The following FBXO11 variants were observed in gnomAD, a reference collection of about 807,000 sequenced individuals.
The protein encoded by FBXO11 is F-box only protein 11.
A neutral mutation model predicts 117.0 loss-of-function variants in FBXO11; 13 were observed. That is an observed-to-expected ratio of 0.11 (90% CI 0.07 to 0.18). The LOEUF is 0.18. FBXO11 is among the 10% of genes least tolerant of loss of function. The pLI, the probability that FBXO11 is intolerant of heterozygous loss-of-function variation, is 1.00. For missense variants in FBXO11, 767 were observed against 1,164.4 expected, an observed-to-expected ratio of 0.66 and a Z score of 4.97; for synonymous variants, 490 against 380.5, an observed-to-expected ratio of 1.29 and a Z score of -3.35.
chr2:47,862,561 A>C (rs985062668), intron 1 of FBXO11, among the ~76,000 whole-genome samples: 3 of 152,186 alleles, frequency 2.0e-5, no homozygotes, highest in Non-Finnish European at 4.4e-5. Context: ...AGCAGCTAGG[A>C]CTATTGTGCC....
intron 1 of FBXO11, among the ~76,000 whole-genome samples, chr2:47,900,624 GTATACACACACGTACGTA>G (rs1678071581): frequency 5.6e-5 from 2 of 35,718 alleles, no homozygotes; most frequent in Non-Finnish European, 1.2e-4. Flanking sequence ...ATATACACAC[GTATACACACACGTACGTA>G]TATACACACG....
intron 1 of FBXO11, among the ~76,000 whole-genome samples, chr2:47,904,926 A>C (rs976603714): frequency 6.6e-5 from 10 of 151,530 alleles, no homozygotes; most frequent in African/African-American, 1.9e-4. Context: ...GTGACCAGGG[A>C]CGGGGGGGCG....
intron 1 of FBXO11, among the ~76,000 whole-genome samples, chr2:47,898,970 C>G (rs1333790667): frequency 1.3e-5 from 2 of 151,916 alleles, no homozygotes; most frequent in African/African-American, 4.8e-5. Context: ...GTAATAAAAT[C>G]TCTTACAGAA....
Position 47,834,714 on chromosome 2 carries a change from A to G in FBXO11, c.802-3T>C. ...GCATCTTCAATAGTATCATAATACT[A>G]GAAAAAAATAAATGTGTCAGTACAG... On this transcript the variant is annotated splice_polypyrimidine_tract_variant and splice_region_variant and intron_variant, in intron 6 of 22. Transcript: ENST00000403359. 1 of 1,607,584 alleles carries G rather than the reference A, an allele frequency of 6.2e-7. No individual in the cohort carries two copies. Among genetic ancestry groups the G allele is most frequent in the Non-Finnish European group, 8.5e-7 (1 of 1,178,186 alleles).
Position 47,906,045 on chromosome 2 carries a change from C to G in FBXO11, c.-325G>C. 1 of 213,594 alleles carries G rather than the reference C, an allele frequency of 4.7e-6. No individual in the cohort carries two copies. Among genetic ancestry groups the G allele is most frequent in the Non-Finnish European group, 9.4e-6 (1 of 106,362 alleles). The allele number at this position is 213,594 out of a possible 1,614,324, so 13.2% of individuals were successfully genotyped here. On this transcript the variant is annotated 5_prime_UTR_variant, in exon 1 of 23. Coordinates refer to ENST00000403359, the MANE Select transcript of FBXO11 (RefSeq NM_001190274.2). ...AGAAAGAAAGAAAGGGCGTCCGCCG[C>G]TTGGGGATCCCGAGGCGAAGCGCGG...
intron 17 of FBXO11, 65 bp downstream of exon 17, chr2:47,813,726 C>T: frequency 1.5e-6 from 2 of 1,378,380 alleles, no homozygotes; most frequent in Non-Finnish European, 2.0e-6. Flanking sequence ...AGCCACCGTG[C>T]CCGGCCTAGA....
intron 1 of FBXO11, among the ~76,000 whole-genome samples, chr2:47,882,182 A>G (rs80051618): frequency 0.019 from 2,894 of 152,338 alleles, 48 homozygotes; most frequent in Non-Finnish European, 0.028. Flanking sequence ...TCTGAGTACT[A>G]TTTGTTCCTT....
chr2:47,883,993 G>C (rs1213559442), intron 1 of FBXO11: 1 of 152,718 alleles, frequency 6.5e-6, no homozygotes, highest in Non-Finnish European at 1.5e-5. Context: ...AGGCCGAGGT[G>C]GGTGGATCAC....
At position 47,906,066 on chromosome 2, in the gene FBXO11, CGCGGCG is replaced by C. The variant is rs533249335; in HGVS notation, c.-352_-347del. 43 of 173,490 alleles carry C rather than the reference CGCGGCG, an allele frequency of 2.5e-4. No homozygotes were observed. Among genetic ancestry groups the C allele is most frequent in the Middle Eastern group, 3.1e-3 (1 of 326 alleles). 10.7% of individuals were successfully genotyped at this position (173,490 alleles called of 1,614,324 possible). A position where few individuals can be genotyped will look rare whatever the true frequency, so the allele number is the denominator to read the frequency against. On this transcript the variant is annotated 5_prime_UTR_variant, in exon 1 of 23. Coordinates refer to ENST00000403359, the MANE Select transcript of FBXO11 (RefSeq NM_001190274.2). ...GCCGCTTGGGGATCCCGAGGCGAAG[CGCGGCG>C]GCGGCGGCGGCGGCGGCTGAAGAGA...
chr2:47,902,912 A>G (rs1303204287), intron 1 of FBXO11, among the ~76,000 whole-genome samples: 3 of 151,510 alleles, frequency 2.0e-5, no homozygotes, highest in Non-Finnish European at 2.9e-5. Context: ...AAGAGTTAGT[A>G]AAAGGTTAAA....
chr2:47,833,312 T>G (rs933040415), intron 7 of FBXO11, among the ~76,000 whole-genome samples: 2 of 152,206 alleles, frequency 1.3e-5, no homozygotes, highest in Non-Finnish European at 2.9e-5. Flanking sequence ...AAAAATGGTT[T>G]CTTGTGGAAA....
chr2:47,818,276 AAC>A (rs1671146902), intron 16 of FBXO11: 1 of 152,542 alleles, frequency 6.6e-6, no homozygotes, highest in South Asian at 2.1e-4. Flanking sequence ...TTTGTGAAAA[AAC>A]ACAGTATCTG....
rs72876842 is a variant in FBXO11 at position 47,817,416 on chromosome 2, G to A, written c.2006+1363C>T. Reference sequence around the variant, plus strand: ...ATTATTTTATTTTGCTTTGAACCCTGAGAAACTAAGCAATAAGGTTGTTTT... The same window carrying A: ...ATTATTTTATTTTGCTTTGAACCCTAAGAAACTAAGCAATAAGGTTGTTTT... On this transcript the variant is annotated intron_variant, in intron 16 of 22. Transcript: ENST00000403359. Among the ~76,000 whole-genome samples, 1,354 of 152,242 alleles carry A rather than the reference G, an allele frequency of 8.9e-3. 24 individuals carry two copies. The highest frequency in any genetic ancestry group is 0.031 in the African/African-American group (1,268 of 41,538).
chr2:47,885,695 A>C (rs1205517301), intron 1 of FBXO11, among the ~76,000 whole-genome samples: 16 of 152,238 alleles, frequency 1.1e-4, no homozygotes. Flanking sequence ...GGTAGAGTAA[A>C]GCCTTGAAGA....
At chr2:47,866,394 T>C (rs959997458) in intron 1 of FBXO11, among the ~76,000 whole-genome samples, 8 of 151,818 alleles carry the variant, frequency 5.3e-5, no homozygotes, top group African/African-American at 1.7e-4. Context: ...TGTTACAGGG[T>C]ATCTAAAAGT....
intron 1 of FBXO11, among the ~76,000 whole-genome samples, chr2:47,874,645 G>C (rs1175210224): frequency 6.6e-6 from 1 of 151,972 alleles, no homozygotes; most frequent in Non-Finnish European, 1.5e-5. Flanking sequence ...AACAATTCTT[G>C]TGCCTCAGCC....
At chr2:47,829,719 AC>A (rs1346716447) in intron 11 of FBXO11, among the ~76,000 whole-genome samples, 9 of 152,300 alleles carry the variant, frequency 5.9e-5, no homozygotes, top group Non-Finnish European at 1.2e-4. Flanking sequence ...GAAAAAAAAA[AC>A]ACCCATCTTT....
chr2:47,899,707 A>G (rs1297194846), intron 1 of FBXO11, among the ~76,000 whole-genome samples: 1 of 152,216 alleles, frequency 6.6e-6, no homozygotes, highest in African/African-American at 2.4e-5. Context: ...TTTGGGGAAT[A>G]CTTTGCCAAC....
chr2:47,854,479 G>A (rs1403313194), intron 1 of FBXO11, among the ~76,000 whole-genome samples: 1 of 151,632 alleles, frequency 6.6e-6, no homozygotes, highest in African/African-American at 2.4e-5. Context: ...TATGAATACT[G>A]GGGGGTAAAG....
Sources: allele counts gnomAD v4.1 joint callset (sites outside exome capture counted in the v4.1 genomes callset), GRCh38; gene constraint gnomAD v4.1.1; transcripts MANE v1.5; gene names NCBI Gene and HGNC (gene_info 2026-07-23, HGNC 2026-07-21).